SMARCA4: variants seen among roughly 807,000 people sequenced by gnomAD.
SMARCA4 encodes SWI/SNF related BAF chromatin remodeling complex subunit ATPase 4.
SMARCA4 carries 31 observed loss-of-function variants against 193.9 expected under a neutral mutation model. The ratio of observed to expected loss-of-function variants is 0.16; its 90% CI spans 0.12 to 0.22. The LOEUF is 0.22. SMARCA4 is among the 10% of genes least tolerant of loss of function. The probability of loss-of-function intolerance (pLI) is 1.00; values close to 1 mark genes in which losing one functional copy is unlikely to be tolerated. For synonymous variants in SMARCA4, 942 were observed against 933.1 expected, an observed-to-expected ratio of 1.01 and a Z score of -0.17; for missense variants, 1,148 against 2,296.0, an observed-to-expected ratio of 0.50 and a Z score of 10.22.
rs1369307376 is a variant in SMARCA4 at position 10,985,765 on chromosome 19, A to G, written c.355+360A>G. On this transcript the variant is annotated intron_variant, in intron 3 of 34. Transcript: ENST00000344626. This position sits in a 1 kb window ranked among gnomAD's most constrained non-coding sequence, Gnocchi z 4.5. Reference sequence around the variant, plus strand: ...TGAGCCCAGCAGGTGCCTTTTCTGTACGAGGACAATTGAGAAGTGATATGG... The same window carrying G: ...TGAGCCCAGCAGGTGCCTTTTCTGTGCGAGGACAATTGAGAAGTGATATGG... Among the ~76,000 whole-genome samples the G allele has an allele frequency of 6.6e-6, 1 of 152,134 alleles. No homozygotes were observed. Among genetic ancestry groups the G allele is most frequent in the Non-Finnish European group, 1.5e-5 (1 of 68,024 alleles).
intron 21 of SMARCA4, among the ~76,000 whole-genome samples, chr19:11,024,918 G>A (rs965556187): frequency 1.3e-5 from 2 of 151,654 alleles, no homozygotes; most frequent in African/African-American, 4.8e-5. Context: ...TTGTGTCTGT[G>A]CCCCTTCTCC....
chr19:11,035,245 C>A (rs1689099810), intron 29 of SMARCA4, 113 bp downstream of exon 29: 5 of 996,148 alleles, frequency 5.0e-6, no homozygotes, highest in Non-Finnish European at 7.8e-6. Context: ...TTCCTTGGGC[C>A]ACTCCTGGCC....
At chr19:11,039,385 G>A (rs1319961182) in intron 29 of SMARCA4, 3 of 811,536 alleles carry the variant, frequency 3.7e-6, no homozygotes, top group African/African-American at 1.8e-5. Flanking sequence ...AAATGCCCAA[G>A]AACAAGGGGA....
intron 16 of SMARCA4, among the ~76,000 whole-genome samples, chr19:11,015,226 C>A (rs2089242712): frequency 6.6e-6 from 1 of 152,214 alleles, no homozygotes; most frequent in East Asian, 1.9e-4. Context: ...AGGAAGATAA[C>A]ATGGACGTAG....
At chr19:11,054,451 A>G (rs1469541443) in intron 30 of SMARCA4, among the ~76,000 whole-genome samples, 1 of 152,222 alleles carries the variant, frequency 6.6e-6, no homozygotes, top group Non-Finnish European at 1.5e-5. Context: ...GCCCAGGATC[A>G]TCCCTGGGGG....
At chr19:11,017,909 A>G (rs1323668863) in intron 16 of SMARCA4, among the ~76,000 whole-genome samples, 1 of 151,574 alleles carries the variant, frequency 6.6e-6, no homozygotes, top group Non-Finnish European at 1.5e-5. Flanking sequence ...CATGCAGGAG[A>G]GTGGGCAGGA....
chr19:11,021,476 TGCA>T (rs1273371077), intron 18 of SMARCA4: 14 of 620,370 alleles, frequency 2.3e-5, no homozygotes, highest in Admixed American at 1.2e-4. Context: ...TTTTGCAATT[TGCA>T]TTGTTCACCT....
In SMARCA4 at chr19:11,033,208, C is replaced by T; in HGVS notation, c.3547-82C>T. ...GCCGAGGGTGGCACGCACAGCACAC[C>T]TCTCCAGCTAGTGTCAGAGGCCACC... is the stretch of plus-strand genomic sequence containing the variant. On this transcript the variant is annotated intron_variant, in intron 25 of 34. Coordinates refer to ENST00000344626, the MANE Select transcript of SMARCA4 (RefSeq NM_003072.5). This position sits in a 1 kb window ranked among gnomAD's most constrained non-coding sequence, Gnocchi z 9.8. 1 of 1,071,514 alleles carries T rather than the reference C, an allele frequency of 9.3e-7. No individual in the cohort carries two copies. The highest frequency in any genetic ancestry group is 1.4e-6 in the Non-Finnish European group (1 of 690,418). The allele number at this position is 1,071,514 out of a possible 1,614,324, so 66.4% of individuals were successfully genotyped here.
At chr19:11,021,631 C>T (rs750796280) in intron 18 of SMARCA4, 94 bp from the exon 19 acceptor site, 3 of 1,479,118 alleles carry the variant, frequency 2.0e-6, no homozygotes, top group South Asian at 1.2e-5. Flanking sequence ...CCACCTGGAG[C>T]CTTCCTGGCT....
Position 10,987,900 on chromosome 19 carries a change from A to G in SMARCA4, c.1094A>G (p.Glu365Gly), listed in dbSNP as rs2145822167. 3 of 1,612,976 alleles carry G rather than the reference A, an allele frequency of 1.9e-6. No homozygotes were observed. Among genetic ancestry groups the G allele is most frequent in the Non-Finnish European group, 2.5e-6 (3 of 1,179,944 alleles). The change falls in exon 6 of 35, where the codon GAG (glutamate) becomes GGG (glycine). Residue 365 changes from glutamate (E) to glycine (G), a missense_variant. By Grantham distance (98) the Glu-to-Gly change is moderately conservative. This residue lies in a region of SMARCA4 where 257 missense variants were observed against 276.5 expected (regional missense o/e 0.93). Transcript: ENST00000344626. This position sits in a 1 kb window ranked among gnomAD's most constrained non-coding sequence, Gnocchi z 5.3. ...AAGCCGCGGGGCCTCGACCCTGTGG[A>G]GATCCTGCAGGAGCGCGAGTACAGG... ...IQKPRGLDPV[E>G]ILQEREYRLQ...
chr19:11,002,651 A>G (rs192839798), intron 11 of SMARCA4, among the ~76,000 whole-genome samples: 13 of 152,060 alleles, frequency 8.5e-5, no homozygotes, highest in Non-Finnish European at 1.6e-4. Flanking sequence ...TGAAAATTAC[A>G]ATGTATATGC....
At chr19:11,037,663 AC>A (rs2075346320) in intron 29 of SMARCA4, among the ~76,000 whole-genome samples, 1 of 151,972 alleles carries the variant, frequency 6.6e-6, no homozygotes, top group Admixed American at 6.5e-5. Flanking sequence ...TTTCTTTTTC[AC>A]CTGTGCCTTG....
chr19:10,978,780 A>ATATATAT (rs1555746925), intron 1 of SMARCA4, among the ~76,000 whole-genome samples: 81 of 148,228 alleles, frequency 5.5e-4, no homozygotes, highest in African/African-American at 1.8e-3. Context: ...AAATACAAAA[A>ATATATAT]ATATATATAT....
intron 1 of SMARCA4, among the ~76,000 whole-genome samples, chr19:10,972,679 T>C (rs987466918): frequency 3.3e-5 from 5 of 152,218 alleles, no homozygotes; most frequent in African/African-American, 1.2e-4. Context: ...GGCCTTTGCA[T>C]GCCTCTGTTG....
At chr19:10,989,099 A>G (rs17001072) in intron 6 of SMARCA4, among the ~76,000 whole-genome samples, 5,008 of 152,320 alleles carry the variant, frequency 0.033, 125 homozygotes, top group Non-Finnish European at 0.041. Context: ...CGCGTCTATC[A>G]GGAATCTTGT....
At chr19:10,976,390 T>A (rs1345382351) in intron 1 of SMARCA4, among the ~76,000 whole-genome samples, 1 of 151,684 alleles carries the variant, frequency 6.6e-6, no homozygotes, top group East Asian at 1.9e-4. Flanking sequence ...CAGGAGGAGG[T>A]TGAGGGCTGA....
chr19:10,968,143 G>T (rs1216242834), intron 1 of SMARCA4, among the ~76,000 whole-genome samples: 1 of 152,110 alleles, frequency 6.6e-6, no homozygotes, highest in Non-Finnish European at 1.5e-5. Context: ...GAGCCACTGC[G>T]CCCGGCCAGT....
chr19:11,023,760 G>A lies in SMARCA4; in HGVS notation c.2973+129G>A, dbSNP rs1000261562. 5.5e-5 allele frequency: 39 copies of A among 712,306 alleles called. No homozygotes were observed. In the African/African-American group the frequency reaches 6.1e-4, roughly 11 times the overall value. 44.1% of individuals were successfully genotyped at this position (712,306 alleles called of 1,614,324 possible). A position where few individuals can be genotyped will look rare whatever the true frequency, so the allele number is the denominator to read the frequency against. On this transcript the variant is annotated intron_variant, in intron 20 of 34. Transcript: ENST00000344626. ...CTGGTCAATCCAGCTTGGGGGTGGC[G>A]ATGACGCCACTGGGTCTGTAAAGCC...
Position 11,007,890 on chromosome 19 carries a change from G to A in SMARCA4, c.2002-12G>A, listed in dbSNP as rs377458938. On this transcript the variant is annotated splice_polypyrimidine_tract_variant and intron_variant, in intron 13 of 34. Coordinates refer to ENST00000344626, the MANE Select transcript of SMARCA4 (RefSeq NM_003072.5). ...GGATGAACTGAGGTGACATGGGCTT[G>A]TCTCTTGGTAGGAGGAGGAGGAAGA... is the stretch of plus-strand genomic sequence containing the variant. 38 of 1,613,178 alleles carry A rather than the reference G, an allele frequency of 2.4e-5. No individual in the cohort carries two copies. The Middle Eastern group carries it at 1.5e-3, about 63-fold the overall frequency.
Sources: allele counts gnomAD v4.1 joint callset (sites outside exome capture counted in the v4.1 genomes callset), GRCh38; gene constraint gnomAD v4.1.1; regional missense constraint gnomAD v4.1.1; non-coding constraint Gnocchi (gnomAD v3.1); transcripts MANE v1.5; gene names NCBI Gene and HGNC (gene_info 2026-07-23, HGNC 2026-07-21).